ADAMTSL1: variants seen among roughly 807,000 people sequenced by gnomAD.
The protein encoded by ADAMTSL1 is ADAMTS like 1.
A neutral mutation model predicts 201.8 loss-of-function variants in ADAMTSL1; 126 were observed. The ratio of observed to expected loss-of-function variants is 0.62; its 90% CI spans 0.54 to 0.72. ADAMTSL1 has a LOEUF of 0.72. Ranked by LOEUF, ADAMTSL1 falls within the 30% of genes least tolerant of loss-of-function variation. The pLI, the probability that ADAMTSL1 is intolerant of heterozygous loss-of-function variation, is 0.00. For missense variants in ADAMTSL1, 2,679 were observed against 2,277.8 expected (o/e 1.18, Z -3.59); for synonymous variants, 1,121 against 903.4 (o/e 1.24, Z -4.32).
chr9:18,814,354 A>T (rs1228057204), intron 20 of ADAMTSL1, among the ~76,000 whole-genome samples: 1 of 152,078 alleles, frequency 6.6e-6, no homozygotes, highest in African/African-American at 2.4e-5. Flanking sequence ...CCTTTTTGTT[A>T]TTGTGTCCTT....
At chr9:18,706,570 G>A (rs1832244057) in intron 13 of ADAMTSL1, 177 bp from the exon 14 acceptor site, 2 of 616,702 alleles carry the variant, frequency 3.2e-6, no homozygotes, top group Admixed American at 3.1e-5. Context: ...CAGAAACAGT[G>A]GCAAAATCGC....
chr9:18,625,272 GTT>G (rs58666836), intron 5 of ADAMTSL1, among the ~76,000 whole-genome samples: 3,231 of 145,922 alleles, frequency 0.022, 66 homozygotes, highest in East Asian at 0.088. Context: ...TTATATCCAA[GTT>G]TTTTTTTTTT....
At chr9:18,865,189 G>A (rs373170884) in intron 23 of ADAMTSL1, among the ~76,000 whole-genome samples, 10 of 150,008 alleles carry the variant, frequency 6.7e-5, no homozygotes, top group East Asian at 2.0e-4. Flanking sequence ...ATCCCTCCCC[G>A]CTCCCCCCAC....
chr9:18,069,775 C>G (rs763521451), intron 1 of ADAMTSL1, among the ~76,000 whole-genome samples: 2 of 152,112 alleles, frequency 1.3e-5, no homozygotes, highest in Non-Finnish European at 2.9e-5. Flanking sequence ...GTTGAAACTG[C>G]TATAGTAGTC....
At chr9:18,205,152 C>A (rs10963512) in intron 2 of ADAMTSL1, among the ~76,000 whole-genome samples, 22,721 of 152,010 alleles carry the variant, frequency 0.15, 1,978 homozygotes, top group East Asian at 0.24. Flanking sequence ...TTAATGAGAT[C>A]TGACAGAATT....
At chr9:18,046,201 T>G (rs1821650315) in intron 1 of ADAMTSL1, among the ~76,000 whole-genome samples, 1 of 152,278 alleles carries the variant, frequency 6.6e-6, no homozygotes, top group Admixed American at 6.5e-5. Context: ...AGATATAGGC[T>G]TGAGTGCTGT....
Position 18,906,907 on chromosome 9 carries a change from A to T in ADAMTSL1, c.5177A>T (p.Glu1726Val), listed in dbSNP as rs772255260. 2 of 1,613,914 alleles carry T rather than the reference A, an allele frequency of 1.2e-6. No homozygotes were observed. Among genetic ancestry groups the T allele is most frequent in the South Asian group, 1.1e-5 (1 of 91,070 alleles). ...CAGCGCTGCAACATCACCCCATGTG[A>T]AAACAGTATGTTCCAACCCCAAAGA... Reference protein sequence around the residue: ...NWQRCNITPCENMECRDTTRY... With the variant: ...NWQRCNITPCVNMECRDTTRY... Residue 1726 changes from glutamate (E) to valine (V), a missense_variant, in exon 28 of 29, where the codon GAA becomes GTA. Coordinates refer to ENST00000380548, the MANE Select transcript of ADAMTSL1 (RefSeq NM_001040272.6).
intron 13 of ADAMTSL1, among the ~76,000 whole-genome samples, chr9:18,689,529 G>A (rs903082334): frequency 6.6e-6 from 1 of 151,926 alleles, no homozygotes; most frequent in African/African-American, 2.4e-5. Flanking sequence ...TTAAAAAAAA[G>A]GAAAAAGAAA....
chr9:18,098,806 C>A (rs1394813947), intron 1 of ADAMTSL1, among the ~76,000 whole-genome samples: 3 of 152,154 alleles, frequency 2.0e-5, no homozygotes, highest in South Asian at 2.1e-4. Context: ...GAATTCTGAT[C>A]CATGCATTGT....
chr9:18,879,101 C>T (rs1828362020), intron 23 of ADAMTSL1, among the ~76,000 whole-genome samples: 1 of 152,166 alleles, frequency 6.6e-6, no homozygotes, highest in Non-Finnish European at 1.5e-5. Context: ...TATATGTCAA[C>T]CCAAGCAATA....
chr9:18,538,314 T>C (rs1480630288), intron 3 of ADAMTSL1, among the ~76,000 whole-genome samples: 1 of 152,150 alleles, frequency 6.6e-6, no homozygotes, highest in African/African-American at 2.4e-5. Context: ...TCCAGCATTG[T>C]TGTGTGAAAC....
In ADAMTSL1 at chr9:18,476,369, G is replaced by A. The variant is rs184232372; in HGVS notation, c.63+2074G>A. Among the ~76,000 whole-genome samples the A allele has an allele frequency of 4.7e-3, 721 of 152,206 alleles. 2 individuals are homozygous for A. Among genetic ancestry groups the A allele is most frequent in the Non-Finnish European group, 6.7e-3 (455 of 67,986 alleles). ...GGAGAGAATAGAACATGTTTGCTTC[G>A]TATGGTGGTTGTAAATATTTAAGAA... On this transcript the variant is annotated intron_variant, in intron 1 of 28. Transcript: ENST00000380548.
At chr9:18,201,985 C>T (rs888656973) in intron 2 of ADAMTSL1, among the ~76,000 whole-genome samples, 3 of 152,088 alleles carry the variant, frequency 2.0e-5, no homozygotes, top group Non-Finnish European at 4.4e-5. Flanking sequence ...GACATACTTT[C>T]TAAATACACT....
At chr9:18,695,680 G>A (rs975211299) in intron 13 of ADAMTSL1, among the ~76,000 whole-genome samples, 1 of 152,178 alleles carries the variant, frequency 6.6e-6, no homozygotes, top group Non-Finnish European at 1.5e-5. Flanking sequence ...AATTTACCAA[G>A]TCTTTAGGAA....
At position 18,657,623 on chromosome 9, in the gene ADAMTSL1, C is replaced by T. The variant is rs1314632486; in HGVS notation, c.835-16C>T. On this transcript the variant is annotated splice_polypyrimidine_tract_variant and intron_variant, in intron 7 of 28. Coordinates refer to ENST00000380548, the MANE Select transcript of ADAMTSL1 (RefSeq NM_001040272.6). Reference sequence around the variant, plus strand: ...GCACTGTCACATTACTTCTACTTTCCTGTTGACTCCTGCAGATTCGTAACT... The same window carrying T: ...GCACTGTCACATTACTTCTACTTTCTTGTTGACTCCTGCAGATTCGTAACT... 1 of 1,597,176 alleles carries T rather than the reference C, an allele frequency of 6.3e-7. No individual in the cohort carries two copies. The highest frequency in any genetic ancestry group is 1.3e-5 in the African/African-American group (1 of 74,544).
At chr9:17,979,159 T>C (rs549471711) in intron 1 of ADAMTSL1, among the ~76,000 whole-genome samples, 4 of 152,200 alleles carry the variant, frequency 2.6e-5, no homozygotes, top group East Asian at 1.9e-4. Flanking sequence ...CTTCTTTGGG[T>C]TGATTTTGTT....
intron 2 of ADAMTSL1, among the ~76,000 whole-genome samples, chr9:18,369,706 A>T (rs1049177722): frequency 1.3e-5 from 2 of 152,248 alleles, no homozygotes; most frequent in African/African-American, 4.8e-5. Context: ...TTGTATATTT[A>T]TTACAGCACT....
chr9:18,196,258 G>T (rs1829174715), intron 2 of ADAMTSL1, among the ~76,000 whole-genome samples: 1 of 152,010 alleles, frequency 6.6e-6, no homozygotes, highest in Non-Finnish European at 1.5e-5. Context: ...AGCTACTGAT[G>T]TGAATAATTT....
At chr9:18,646,899 C>T (rs930309963) in intron 7 of ADAMTSL1, among the ~76,000 whole-genome samples, 2 of 152,056 alleles carry the variant, frequency 1.3e-5, no homozygotes, top group African/African-American at 2.4e-5. Flanking sequence ...TGATGCAGGC[C>T]TCATCAAATG....
Sources: gnomAD v4.1 joint callset for allele counts (sites outside exome capture counted in the v4.1 genomes callset) on GRCh38, gnomAD v4.1.1 for gene constraint, MANE v1.5 for transcripts, NCBI Gene and HGNC (gene_info 2026-07-23, HGNC 2026-07-21) for gene names.